SHB: variants seen among roughly 807,000 people sequenced by gnomAD.
SHB encodes SH2 domain containing adaptor protein B.
A neutral mutation model predicts 52.3 loss-of-function variants in SHB; 20 were observed. That is an observed-to-expected ratio of 0.38 (90% confidence interval 0.27 to 0.56). The LOEUF is 0.56. SHB is among the 20% of genes least tolerant of loss of function. The pLI is 0.71. For missense variants in SHB, 825 were observed against 723.3 expected (o/e 1.14, Z -1.61); for synonymous variants, 397 against 316.5 (o/e 1.25, Z -2.70).
At chr9:37,976,653 CATT>C (rs953283205) in intron 2 of SHB, among the ~76,000 whole-genome samples, 39 of 152,174 alleles carry the variant, frequency 2.6e-4, no homozygotes, top group African/African-American at 9.4e-4. Context: ...AATATTCCAT[CATT>C]ATGTATATTC....
intron 2 of SHB, among the ~76,000 whole-genome samples, 161 bp from the exon 3 acceptor site, chr9:37,974,998 G>C (rs1361121252): frequency 1.3e-5 from 2 of 152,050 alleles, no homozygotes; most frequent in African/African-American, 4.8e-5. Flanking sequence ...CCAACCCCCA[G>C]TGCCGCGTCT....
chr9:38,064,963 T>C (rs1294422058), intron 1 of SHB, among the ~76,000 whole-genome samples: 6 of 151,606 alleles, frequency 4.0e-5, no homozygotes, highest in Admixed American at 3.9e-4. Context: ...TCTCTACAAA[T>C]AAAAAAAATT....
Position 38,067,817 on chromosome 9 carries a change from G to A in SHB, c.717+112C>T. On this transcript the variant is annotated intron_variant, in intron 1 of 5. Coordinates refer to ENST00000377707, the MANE Select transcript of SHB (RefSeq NM_003028.3). ...AAGCAGCACGCCAGCCCCGACCCAG[G>A]GTCCTAGGCCGAAGCTGAAGTAGAG... 9 of 1,186,728 alleles carry A rather than the reference G, an allele frequency of 7.6e-6. No homozygotes were observed. The Middle Eastern group carries it at 8.9e-4, about 117-fold the overall frequency. The allele number at this position is 1,186,728 out of a possible 1,614,324, so 73.5% of individuals were successfully genotyped here.
At position 38,068,540 on chromosome 9, in the gene SHB, G is replaced by A. The variant is rs751771841; in HGVS notation, c.106C>T (p.Arg36Trp). The change falls in exon 1 of 6, where the codon CGG becomes TGG. Residue 36 changes from arginine to tryptophan, a missense_variant. Coordinates refer to ENST00000377707, the MANE Select transcript of SHB (RefSeq NM_003028.3). Reference protein sequence around the residue: ...DYREQRRRGERPSQPPQAVPQ... With the variant: ...DYREQRRRGEWPSQPPQAVPQ... ...ACGGCCTGGGGGGGCTGCGAAGGCC[G>A]CTCGCCTCGGCGCCGCTGCTCGCGG... 2.1e-6 allele frequency: 3 copies of A among 1,448,308 alleles called. No individual in the cohort carries two copies. The highest frequency in any genetic ancestry group is 1.4e-5 in the South Asian group (1 of 71,014). 89.7% of individuals were successfully genotyped at this position (1,448,308 alleles called of 1,614,324 possible). A position where few individuals can be genotyped will look rare whatever the true frequency, so the allele number is the denominator to read the frequency against.
chr9:37,978,807 A>C (rs185090864), intron 2 of SHB, among the ~76,000 whole-genome samples: 2 of 152,394 alleles, frequency 1.3e-5, no homozygotes, highest in East Asian at 3.9e-4. Flanking sequence ...ATTATCGCGT[A>C]ATTATTTTTG....
intron 4 of SHB, among the ~76,000 whole-genome samples, chr9:37,952,552 C>G (rs113171485): frequency 1.3e-5 from 2 of 152,146 alleles, no homozygotes; most frequent in African/African-American, 4.8e-5. Context: ...ATCTTACAGA[C>G]AGTCAGTCAG....
chr9:37,936,609 AATC>A (rs1242997715), intron 5 of SHB: 3 of 152,216 alleles, frequency 2.0e-5, no homozygotes, highest in Non-Finnish European at 4.4e-5. Context: ...GCAGATGACA[AATC>A]ATTTCACACT....
intron 1 of SHB, among the ~76,000 whole-genome samples, chr9:38,067,722 AG>A (rs1206735011): frequency 6.6e-6 from 1 of 152,150 alleles, no homozygotes; most frequent in Non-Finnish European, 1.5e-5. Flanking sequence ...TTCTGGAAGC[AG>A]CGGCGAAAGA....
chr9:38,057,672 G>C (rs1166450251), intron 1 of SHB, among the ~76,000 whole-genome samples: 1 of 152,180 alleles, frequency 6.6e-6, no homozygotes, highest in Admixed American at 6.5e-5. Flanking sequence ...TGGCTTTCTG[G>C]GAGTGCACAT....
intron 1 of SHB, among the ~76,000 whole-genome samples, chr9:38,058,282 C>T (rs1177708444): frequency 1.3e-5 from 2 of 152,234 alleles, no homozygotes; most frequent in Non-Finnish European, 2.9e-5. Flanking sequence ...CCATTTCTTC[C>T]CTGGGATCTC....
chr9:37,943,508 G>A (rs1338297955), intron 5 of SHB, among the ~76,000 whole-genome samples: 2 of 152,154 alleles, frequency 1.3e-5, no homozygotes, highest in African/African-American at 2.4e-5. Flanking sequence ...CTTAGGTCAC[G>A]TTTGCAAGAT....
Position 38,016,041 on chromosome 9 carries a change from C to G in SHB, c.808G>C (p.Glu270Gln), listed in dbSNP as rs751393600. 3.1e-6 allele frequency: 5 copies of G among 1,614,030 alleles called. No individual in the cohort carries two copies. Among genetic ancestry groups the G allele is most frequent in the Non-Finnish European group, 4.2e-6 (5 of 1,179,970 alleles). ...AGKGESAGYM[E>Q]PYEAQRIMTE... is the part of the protein sequence containing the mutation. ...ATGATCCTCTGTGCCTCATAGGGCT[C>G]CATGTAGCCAGCACTCTCCCCCTTT... The change falls in exon 2 of 6, where the codon GAG becomes CAG. Residue 270 changes from glutamate (E) to glutamine (Q), a missense_variant. Glu to Gln is a conservative substitution (Grantham distance 29). Coordinates refer to ENST00000377707, the MANE Select transcript of SHB (RefSeq NM_003028.3).
chr9:38,068,814 G>T lies in SHB; in HGVS notation c.-169C>A, dbSNP rs558453686. ...GTTCTTGCCGCCGCCGCCTCCTGCC[G>T]GCAGCTCTCTGGCTCCGGCGGCTGC... On this transcript the variant is annotated 5_prime_UTR_variant, in exon 1 of 6. Coordinates refer to ENST00000377707, the MANE Select transcript of SHB (RefSeq NM_003028.3). 1 of 163,676 alleles carries T rather than the reference G, an allele frequency of 6.1e-6. No individual in the cohort carries two copies. The highest frequency in any genetic ancestry group is 1.3e-5 in the Non-Finnish European group (1 of 77,842). 10.1% of individuals were successfully genotyped at this position (163,676 alleles called of 1,614,324 possible).
At chr9:37,980,403 G>T (rs1820710180) in intron 2 of SHB, among the ~76,000 whole-genome samples, 1 of 152,178 alleles carries the variant, frequency 6.6e-6, no homozygotes, top group Admixed American at 6.5e-5. Context: ...CTCTTTATTT[G>T]TTCAAGTTTG....
intron 1 of SHB, 101 bp downstream of exon 1, chr9:38,067,828 G>A: frequency 1.6e-6 from 2 of 1,267,874 alleles, no homozygotes; most frequent in Non-Finnish European, 2.0e-6. Context: ...GTCCTAGGCC[G>A]AAGCTGAAGT....
At chr9:37,989,010 G>T (rs776201900) in intron 2 of SHB, among the ~76,000 whole-genome samples, 67 of 151,050 alleles carry the variant, frequency 4.4e-4, no homozygotes, top group Non-Finnish European at 9.0e-4. Flanking sequence ...ACAAATTTTG[G>T]GACTTGGCAG....
chr9:37,938,905 G>C (rs1173631133), intron 5 of SHB, among the ~76,000 whole-genome samples: 1 of 152,208 alleles, frequency 6.6e-6, no homozygotes, highest in Admixed American at 6.5e-5. Context: ...TTGGGAAGGG[G>C]GAAGCTGAGC....
intron 5 of SHB, among the ~76,000 whole-genome samples, chr9:37,929,977 T>A (rs1832294800): frequency 6.6e-6 from 1 of 152,130 alleles, no homozygotes; most frequent in African/African-American, 2.4e-5. Flanking sequence ...TGGCACACGC[T>A]TGTAGTCCCG....
At chr9:37,978,143 T>A (rs891849880) in intron 2 of SHB, among the ~76,000 whole-genome samples, 10 of 152,320 alleles carry the variant, frequency 6.6e-5, no homozygotes, top group African/African-American at 2.4e-4. Context: ...TGCATACAGT[T>A]TAGTGTTAAA....
Sources: allele counts gnomAD v4.1 joint callset (sites outside exome capture counted in the v4.1 genomes callset), GRCh38; gene constraint gnomAD v4.1.1; transcripts MANE v1.5; gene names NCBI Gene and HGNC (gene_info 2026-07-23, HGNC 2026-07-21).